DGKD: variants seen among roughly 807,000 people sequenced by gnomAD.
DGKD encodes the protein diacylglycerol kinase delta, also known as DAG kinase delta.
In DGKD, 68 loss-of-function variants were observed where a neutral mutation model predicts 154.4. That is an observed-to-expected ratio of 0.44 (90% CI 0.36 to 0.54). DGKD has a LOEUF of 0.54. DGKD is among the 20% of genes least tolerant of loss of function. The probability of loss-of-function intolerance (pLI) is 0.00; values close to 1 mark genes in which losing one functional copy is unlikely to be tolerated. For synonymous variants in DGKD, 693 were observed against 638.0 expected, an observed-to-expected ratio of 1.09 and a Z score of -1.30; for missense variants, 1,343 against 1,593.6, an observed-to-expected ratio of 0.84 and a Z score of 2.68.
chr2:233,409,470 G>GTGT (rs1326564672), intron 3 of DGKD, among the ~76,000 whole-genome samples: 1 of 150,516 alleles, frequency 6.6e-6, no homozygotes, highest in Non-Finnish European at 1.5e-5. Flanking sequence ...GCTTTTAAAT[G>GTGT]TGTCACGGTG....
At chr2:233,382,366 TGTTGCTTAATTAACC>T (rs1460557988) in intron 1 of DGKD, among the ~76,000 whole-genome samples, 1 of 152,262 alleles carries the variant, frequency 6.6e-6, no homozygotes, top group Non-Finnish European at 1.5e-5. Flanking sequence ...ATTTGGGTGA[TGTTGCTTAATTAACC>T]ATAGTCAGGT....
At chr2:233,451,120 G>GA (rs766164746) in intron 17 of DGKD, 70 bp downstream of exon 17, 40 of 1,475,436 alleles carry the variant, frequency 2.7e-5, no homozygotes, top group African/African-American at 4.2e-5. Flanking sequence ...AACTGAAAGA[G>GA]ATGGGCTCGC....
intron 7 of DGKD, 90 bp from the exon 8 acceptor site, chr2:233,437,287 A>C (rs779242200): frequency 3.3e-5 from 41 of 1,227,382 alleles, no homozygotes; most frequent in Non-Finnish European, 4.9e-5. Flanking sequence ...GCCTCCCCCG[A>C]GGCCAGCTCA....
At chr2:233,396,237 G>A (rs1704019430) in intron 3 of DGKD, among the ~76,000 whole-genome samples, 1 of 152,190 alleles carries the variant, frequency 6.6e-6, no homozygotes, top group Admixed American at 6.5e-5. Context: ...TGGTTGGTCT[G>A]GGATAGAGCA....
At chr2:233,427,582 T>C (rs2062354837) in intron 3 of DGKD, among the ~76,000 whole-genome samples, 1 of 152,214 alleles carries the variant, frequency 6.6e-6, no homozygotes, top group Admixed American at 6.5e-5. Context: ...CCTCAAGTGA[T>C]CTACCTGCCT....
intron 1 of DGKD, among the ~76,000 whole-genome samples, chr2:233,359,592 G>T (rs1276807885): frequency 6.6e-6 from 1 of 151,292 alleles, no homozygotes; most frequent in African/African-American, 2.4e-5. Context: ...CTCCAGAAGA[G>T]CAAATACAAA....
Position 233,418,877 on chromosome 2 carries a change from G to C in DGKD, c.349-15503G>C, listed in dbSNP as rs191039196. On this transcript the variant is annotated intron_variant, in intron 3 of 29. Coordinates refer to ENST00000264057, the MANE Select transcript of DGKD (RefSeq NM_152879.3). The stretch of plus-strand genomic sequence containing the variant: ...GCGGGGTCTGACACAGTGCTGTGCG[G>C]AGCTCACCCGGACCTGGGCACTCAG... Among the ~76,000 whole-genome samples, 29 of 152,340 alleles carry C rather than the reference G, an allele frequency of 1.9e-4. No individual in the cohort carries two copies. The East Asian group carries it at 2.7e-3, about 14-fold the overall frequency.
chr2:233,435,945 T>C (rs1389601781), intron 6 of DGKD, 21 bp downstream of exon 6: 1 of 1,583,558 alleles, frequency 6.3e-7, no homozygotes, highest in South Asian at 1.1e-5. Flanking sequence ...AAATACCACC[T>C]GTGGGGCCCT....
intron 1 of DGKD, among the ~76,000 whole-genome samples, chr2:233,368,980 C>T (rs1229651605): frequency 2.0e-5 from 3 of 152,136 alleles, no homozygotes; most frequent in Non-Finnish European, 4.4e-5. Context: ...AGTCCTGGGA[C>T]GAGAGTGCCT....
At position 233,448,260 on chromosome 2, in the gene DGKD, G is replaced by A; in HGVS notation, c.1515-16G>A. ...GCTGCCTCTCTAGAAGGGTCTTTCT[G>A]TTTTTCTCCCCACAGAGTGCTCTGT... On this transcript the variant is annotated splice_polypyrimidine_tract_variant and intron_variant, in intron 13 of 29. Transcript: ENST00000264057. The A allele has an allele frequency of 1.2e-6, 2 of 1,614,102 alleles. No homozygotes were observed. The highest frequency in any genetic ancestry group is 1.3e-5 in the African/African-American group (1 of 75,046).
chr2:233,410,220 G>T (rs2061793345), intron 3 of DGKD, among the ~76,000 whole-genome samples: 1 of 150,240 alleles, frequency 6.7e-6, no homozygotes, highest in African/African-American at 2.5e-5. Context: ...AGGGGGATTG[G>T]CTTCCACCCC....
At chr2:233,421,764 T>C (rs929133567) in intron 3 of DGKD, among the ~76,000 whole-genome samples, 2 of 152,248 alleles carry the variant, frequency 1.3e-5, no homozygotes, top group Non-Finnish European at 2.9e-5. Flanking sequence ...CACCAGCTAC[T>C]ACTCTCCATG....
At chr2:233,374,362 T>C (rs563023863) in intron 1 of DGKD, among the ~76,000 whole-genome samples, 1 of 144,418 alleles carries the variant, frequency 6.9e-6, no homozygotes, top group East Asian at 2.1e-4. Context: ...TGACACGGGG[T>C]CTCGCCCTGT....
intron 1 of DGKD, among the ~76,000 whole-genome samples, chr2:233,360,157 AATCTGTAGTGGC>A (rs1256667245): frequency 6.6e-6 from 1 of 152,176 alleles, no homozygotes; most frequent in Non-Finnish European, 1.5e-5. Context: ...TTGACCTTGG[AATCTGTAGTGGC>A]GTCTGTAGTG....
intron 1 of DGKD, among the ~76,000 whole-genome samples, chr2:233,373,306 G>T (rs1263374764): frequency 6.6e-6 from 1 of 152,236 alleles, no homozygotes; most frequent in East Asian, 1.9e-4. Flanking sequence ...AAATAACACG[G>T]AGGAAGTTTC....
At chr2:233,360,846 G>A (rs1019233123) in intron 1 of DGKD, among the ~76,000 whole-genome samples, 32 of 152,194 alleles carry the variant, frequency 2.1e-4, no homozygotes, top group Non-Finnish European at 2.9e-5. Context: ...GTTCGTTGAT[G>A]CAAACCAAGG....
intron 3 of DGKD, among the ~76,000 whole-genome samples, chr2:233,404,241 A>T (rs936248739): frequency 6.6e-6 from 1 of 152,046 alleles, no homozygotes; most frequent in Non-Finnish European, 1.5e-5. Flanking sequence ...CATTGTGTAG[A>T]TGTGTCATCA....
rs915244822 is a variant in DGKD at position 233,436,404 on chromosome 2, G to A, written c.782G>A (p.Arg261His). Reference sequence around the variant, plus strand: ...GACAAGACCTGTGGCAGTGTGCTGCGCCTGCAGGACTGGCGCTGCCTCTGG... The same window carrying A: ...GACAAGACCTGTGGCAGTGTGCTGCACCTGCAGGACTGGCGCTGCCTCTGG... ...VCDKTCGSVLRLQDWRCLWCK... is the reference protein window; with the variant it reads ...VCDKTCGSVLHLQDWRCLWCK... The change falls in exon 7 of 30, where the codon CGC (arginine) becomes CAC (histidine). Residue 261 changes from arginine (R) to histidine (H), a missense_variant. Arg to His is a conservative substitution (Grantham distance 29). This residue lies in a region of DGKD where 332 missense variants were observed against 400.1 expected (regional missense o/e 0.83). Transcript: ENST00000264057. 3.1e-6 allele frequency: 5 copies of A among 1,613,874 alleles called. No homozygotes were observed. Among genetic ancestry groups the A allele is most frequent in the African/African-American group, 1.3e-5 (1 of 74,934 alleles).
chr2:233,462,964 T>C (rs932284062), intron 26 of DGKD, among the ~76,000 whole-genome samples: 34 of 152,204 alleles, frequency 2.2e-4, no homozygotes, highest in African/African-American at 8.2e-4. Flanking sequence ...GAAACACCCT[T>C]GTCGTCGTGG....
Sources: allele counts gnomAD v4.1 joint callset (sites outside exome capture counted in the v4.1 genomes callset), GRCh38; gene constraint gnomAD v4.1.1; regional missense constraint gnomAD v4.1.1; transcripts MANE v1.5; gene names NCBI Gene and HGNC (gene_info 2026-07-23, HGNC 2026-07-21).